Variants in UBE3A observed in about 807,000 individuals in gnomAD.
The protein encoded by UBE3A is ubiquitin-protein ligase E3A.
Under a neutral mutation model 83.4 loss-of-function variants are expected in UBE3A, and 6 were observed. The ratio of observed to expected loss-of-function variants is 0.07; its 90% CI spans 0.04 to 0.14. The LOEUF (loss-of-function observed/expected upper bound fraction) is 0.14. UBE3A is among the 10% of genes least tolerant of loss of function. The pLI is 1.00. For synonymous variants in UBE3A, 337 were observed against 355.4 expected (o/e 0.95, Z 0.58); for missense variants, 456 against 1,036.1 (o/e 0.44, Z 7.69).
intron 1 of UBE3A, among the ~76,000 whole-genome samples, chr15:25,436,673 T>A (rs777995078): frequency 6.6e-6 from 1 of 152,156 alleles, no homozygotes; most frequent in Non-Finnish European, 1.5e-5. Flanking sequence ...TCCTGTTAAA[T>A]GGACTGCACA....
chr15:25,348,967 A>T (rs1335317174), intron 11 of UBE3A, among the ~76,000 whole-genome samples: 2 of 152,234 alleles, frequency 1.3e-5, no homozygotes, highest in Non-Finnish European at 2.9e-5. Flanking sequence ...ACTGATTCTA[A>T]TATTTATATG....
intron 11 of UBE3A, among the ~76,000 whole-genome samples, chr15:25,343,683 TAAGC>T (rs1566841603): frequency 6.6e-6 from 1 of 152,114 alleles, no homozygotes; most frequent in East Asian, 1.9e-4. Context: ...AAAAATCCTA[TAAGC>T]AAGGTTAAAA....
chr15:25,436,584 G>T (rs752589367), intron 1 of UBE3A, among the ~76,000 whole-genome samples: 1 of 151,988 alleles, frequency 6.6e-6, no homozygotes, highest in Non-Finnish European at 1.5e-5. Context: ...AGAAATGATC[G>T]AAATAGAAAT....
At chr15:25,409,997 G>T (rs2089608877) in intron 2 of UBE3A, among the ~76,000 whole-genome samples, 1 of 151,894 alleles carries the variant, frequency 6.6e-6, no homozygotes, top group Admixed American at 6.6e-5. Context: ...ACTGTTGTGG[G>T]GTGGGGGGAA....
chr15:25,407,366 T>C, intron 3 of UBE3A: 1 of 720,446 alleles, frequency 1.4e-6, no homozygotes, highest in Middle Eastern at 6.2e-4. Context: ...GACATGATGA[T>C]AGGAAAATAA....
At chr15:25,364,804 T>C (rs1490007390) in intron 6 of UBE3A, among the ~76,000 whole-genome samples, 2 of 151,840 alleles carry the variant, frequency 1.3e-5, no homozygotes, top group African/African-American at 2.4e-5. Flanking sequence ...CCACCGCGCC[T>C]GGCTATTTTT....
chr15:25,407,352 T>A, intron 3 of UBE3A: 1 of 849,538 alleles, frequency 1.2e-6, no homozygotes, highest in Non-Finnish European at 1.5e-6. Flanking sequence ...AGGGAAAAAA[T>A]GAGGACATGA....
At chr15:25,392,379 T>C (rs1204591866) in intron 4 of UBE3A, among the ~76,000 whole-genome samples, 1 of 152,162 alleles carries the variant, frequency 6.6e-6, no homozygotes, top group African/African-American at 2.4e-5. Flanking sequence ...CCCTTCCAAA[T>C]CTAGAGACAT....
intron 1 of UBE3A, among the ~76,000 whole-genome samples, chr15:25,437,324 T>C (rs1406529505): frequency 1.3e-5 from 2 of 152,224 alleles, no homozygotes; most frequent in Admixed American, 1.3e-4. Context: ...AGAGTACTTA[T>C]TGATCAGAAG....
intron 1 of UBE3A, among the ~76,000 whole-genome samples, chr15:25,417,311 A>T (rs2153118866): frequency 6.6e-6 from 1 of 152,288 alleles, no homozygotes; most frequent in Admixed American, 6.5e-5. Context: ...GAAGGGATAA[A>T]ACTGACCAGC....
chr15:25,415,849 GAAAAAAAAAA>G (rs57736236), intron 1 of UBE3A: 1 of 111,178 alleles, frequency 9.0e-6, no homozygotes, highest in Admixed American at 1.0e-4. Flanking sequence ...CCCTCTACAA[GAAAAAAAAAA>G]AAAAAAAAAA....
Position 25,336,313 on chromosome 15 carries a change from G to A in UBE3A, c.*2824C>T, listed in dbSNP as rs1206769716. The A allele has an allele frequency of 1.3e-5, 2 of 152,098 alleles. No homozygotes were observed. The highest frequency in any genetic ancestry group is 4.8e-5 in the African/African-American group (2 of 41,376). 9.4% of individuals were successfully genotyped at this position (152,098 alleles called of 1,614,324 possible). ...AAAAATTACAGTAAGCAGGTAAAGGGATCAAGACTACACAGGGACTAGTCT... is the reference window on the plus strand; with the variant it reads ...AAAAATTACAGTAAGCAGGTAAAGGAATCAAGACTACACAGGGACTAGTCT... On this transcript the variant is annotated 3_prime_UTR_variant, in exon 13 of 13. Transcript: ENST00000648336.
chr15:25,343,580 AAAAT>A (rs1257422194), intron 11 of UBE3A, among the ~76,000 whole-genome samples: 2 of 152,176 alleles, frequency 1.3e-5, no homozygotes, highest in African/African-American at 4.8e-5. Context: ...GAAAATGAAT[AAAAT>A]AAACATAACT....
intron 1 of UBE3A, among the ~76,000 whole-genome samples, chr15:25,431,338 ATTTTC>A (rs200887628): frequency 1.8e-3 from 275 of 152,038 alleles, no homozygotes; most frequent in African/African-American, 5.7e-3. Context: ...TAAACAGCAT[ATTTTC>A]TTTTCTTTTC....
rs1260981694 is a variant in UBE3A at position 25,370,233 on chromosome 15, T to C, written c.1608+333A>G. On this transcript the variant is annotated intron_variant, in intron 6 of 12. Coordinates refer to ENST00000648336, the MANE Select transcript of UBE3A (RefSeq NM_130839.5). This position sits in a 1 kb window ranked among gnomAD's most constrained non-coding sequence, Gnocchi z 4.2. ...CAAGACTGCACATCCACACTTATTA[T>C]TGGGTATCTCCACATTTCTCTTGTT... Among the ~76,000 whole-genome samples the C allele has an allele frequency of 6.6e-6, 1 of 152,228 alleles. No individual in the cohort carries two copies. The highest frequency in any genetic ancestry group is 1.9e-4 in the East Asian group (1 of 5,196).
chr15:25,351,621 C>T (rs1347172180), intron 11 of UBE3A, among the ~76,000 whole-genome samples: 1 of 152,202 alleles, frequency 6.6e-6, no homozygotes, highest in African/African-American at 2.4e-5. Context: ...AGCTGCCTGC[C>T]ACCAAACCCA....
At chr15:25,398,814 T>TATATATATATAA (rs1442051896) in intron 4 of UBE3A, among the ~76,000 whole-genome samples, 2 of 59,282 alleles carry the variant, frequency 3.4e-5, no homozygotes, top group African/African-American at 8.4e-5. Flanking sequence ...TATATATATA[T>TATATATATATAA]AAAAATACAT....
At chr15:25,355,052 C>T (rs1357120629) in intron 9 of UBE3A, among the ~76,000 whole-genome samples, 1 of 152,116 alleles carries the variant, frequency 6.6e-6, no homozygotes, top group Non-Finnish European at 1.5e-5. Context: ...TTAAACAGAA[C>T]TGAATATAAA....
intron 1 of UBE3A, among the ~76,000 whole-genome samples, chr15:25,420,112 C>T (rs936962055): frequency 6.6e-6 from 1 of 152,034 alleles, no homozygotes; most frequent in East Asian, 1.9e-4. Context: ...TATATGCTAT[C>T]TAAAAGAAAG....
Sources: allele counts gnomAD v4.1 joint callset (sites outside exome capture counted in the v4.1 genomes callset), GRCh38; gene constraint gnomAD v4.1.1; non-coding constraint Gnocchi (gnomAD v3.1); transcripts MANE v1.5; gene names NCBI Gene and HGNC (gene_info 2026-07-23, HGNC 2026-07-21).